The following VPS8 variants were observed in gnomAD, a reference collection of about 807,000 sequenced individuals.
The protein encoded by VPS8 is VPS8 subunit of CORVET complex.
Under a neutral mutation model 216.4 loss-of-function variants are expected in VPS8, and 129 were observed. The observed-to-expected ratio is 0.60, with a 90% CI of 0.52 to 0.69. The LOEUF (loss-of-function observed/expected upper bound fraction) is 0.69. Among genes scored for constraint, VPS8 ranks in the 30% least tolerant of loss-of-function variants. The pLI, the probability that VPS8 is intolerant of heterozygous loss-of-function variation, is 0.00. For missense variants in VPS8, 1,531 were observed against 1,683.5 expected, an observed-to-expected ratio of 0.91 and a Z score of 1.59; for synonymous variants, 571 against 565.4, an observed-to-expected ratio of 1.01 and a Z score of -0.14.
At chr3:184,987,501 T>C (rs895150671) in intron 42 of VPS8, among the ~76,000 whole-genome samples, 11 of 152,212 alleles carry the variant, frequency 7.2e-5, no homozygotes, top group Non-Finnish European at 1.3e-4. Flanking sequence ...TCTTTTCATA[T>C]TGGCTTTTTT....
At chr3:184,856,350 T>G (rs1241117098) in intron 14 of VPS8, among the ~76,000 whole-genome samples, 2 of 152,214 alleles carry the variant, frequency 1.3e-5, no homozygotes, top group Non-Finnish European at 2.9e-5. Flanking sequence ...ACAAAGTGAT[T>G]AGTATGGACT....
At chr3:184,862,717 T>C (rs1726597538) in intron 15 of VPS8, among the ~76,000 whole-genome samples, 180 bp from the exon 16 acceptor site, 1 of 152,246 alleles carries the variant, frequency 6.6e-6, no homozygotes, top group Non-Finnish European at 1.5e-5. Flanking sequence ...AGTAGTATAT[T>C]GTACCTACTG....
chr3:184,894,495 T>C (rs962822275), intron 22 of VPS8, among the ~76,000 whole-genome samples: 4 of 126,962 alleles, frequency 3.2e-5, no homozygotes, highest in African/African-American at 1.2e-4. Context: ...TATATATATG[T>C]ATATATACAC....
Position 184,824,502 on chromosome 3 carries a change from A to G in VPS8, c.-88-43A>G, listed in dbSNP as rs1718287415. The G allele has an allele frequency of 5.3e-6, 5 of 934,770 alleles. No homozygotes were observed. In the East Asian group the frequency reaches 7.9e-5, roughly 15 times the overall value. The allele number at this position is 934,770 out of a possible 1,614,324, so 57.9% of individuals were successfully genotyped here. A position where few individuals can be genotyped will look rare whatever the true frequency, so the allele number is the denominator to read the frequency against. On this transcript the variant is annotated intron_variant, in intron 1 of 47. Transcript: ENST00000625842. ...AATTGACAAGGAGGAAATCTAAATG[A>G]TAGTGTTTTGTTTTGTTTTTGTTTT...
intron 44 of VPS8, among the ~76,000 whole-genome samples, chr3:184,999,399 G>A (rs1372131194): frequency 6.6e-6 from 1 of 152,062 alleles, no homozygotes; most frequent in Non-Finnish European, 1.5e-5. Context: ...AATACTATCC[G>A]GATTTCATAG....
At chr3:184,835,588 A>G (rs77066891) in intron 5 of VPS8, among the ~76,000 whole-genome samples, 11,041 of 152,232 alleles carry the variant, frequency 0.073, 473 homozygotes, top group Non-Finnish European at 0.092. Context: ...CAGATTCTGT[A>G]TATAATGATA....
intron 47 of VPS8, among the ~76,000 whole-genome samples, chr3:185,050,217 G>A (rs781022835): frequency 6.6e-6 from 1 of 151,162 alleles, no homozygotes; most frequent in Non-Finnish European, 1.5e-5. Flanking sequence ...TTCTGTTCAA[G>A]GCATCGTACA....
rs550926677 is a variant in VPS8 at position 184,862,505 on chromosome 3, A to G, written c.1225-392A>G. On this transcript the variant is annotated intron_variant, in intron 15 of 47. Coordinates refer to ENST00000625842, the MANE Select transcript of VPS8 (RefSeq NM_001009921.3). Reference sequence around the variant, plus strand: ...CAGTGCTAACAATTGTCCTCTGACCAGCTAGGTTTATCGGCTTTACTTTGT... The same window carrying G: ...CAGTGCTAACAATTGTCCTCTGACCGGCTAGGTTTATCGGCTTTACTTTGT... Among the ~76,000 whole-genome samples the G allele has an allele frequency of 2.1e-4, 32 of 152,324 alleles. 1 individual carries two copies. The South Asian group carries it at 6.6e-3, about 32-fold the overall frequency.
At chr3:184,874,283 C>G (rs572501205) in intron 21 of VPS8, among the ~76,000 whole-genome samples, 32 of 152,226 alleles carry the variant, frequency 2.1e-4, no homozygotes, top group African/African-American at 7.7e-4. Flanking sequence ...TTTCCATTAT[C>G]TTTGTGGCTG....
At position 184,929,597 on chromosome 3, in the gene VPS8, T is replaced by C. The variant is rs961001020; in HGVS notation, c.2732T>C (p.Phe911Ser). The part of the protein sequence containing the change: ...EKAEFYQICE[F>S]MYEREHQYDK... ...CATTCTAGCTATCAAATTTGTGAAT[T>C]TATGTATGAAAGAGAACACCAATAT... Residue 911 changes from phenylalanine to serine, a missense_variant, in exon 33 of 48, where the codon TTT (phenylalanine) becomes TCT (serine). This residue lies in a region of VPS8 where 1,318 missense variants were observed against 1,468.4 expected (regional missense o/e 0.90). Coordinates refer to ENST00000625842, the MANE Select transcript of VPS8 (RefSeq NM_001009921.3). 2 of 1,528,620 alleles carry C rather than the reference T, an allele frequency of 1.3e-6. No individual in the cohort carries two copies. The highest frequency in any genetic ancestry group is 2.8e-5 in the African/African-American group (2 of 72,266). 94.7% of individuals were successfully genotyped at this position (1,528,620 alleles called of 1,614,324 possible).
intron 45 of VPS8, among the ~76,000 whole-genome samples, chr3:185,022,970 A>T (rs79075653): frequency 6.6e-6 from 1 of 152,126 alleles, no homozygotes; most frequent in Non-Finnish European, 1.5e-5. Flanking sequence ...ATATACTTCA[A>T]ATTTCTTTAA....
intron 21 of VPS8, among the ~76,000 whole-genome samples, chr3:184,871,129 T>C (rs371722551): frequency 2.0e-5 from 3 of 152,004 alleles, no homozygotes; most frequent in African/African-American, 7.2e-5. Context: ...GTTAACCAGG[T>C]TATTTAGTAC....
intron 36 of VPS8, among the ~76,000 whole-genome samples, chr3:184,944,938 A>G (rs1743408670): frequency 6.6e-6 from 1 of 152,180 alleles, no homozygotes; most frequent in South Asian, 2.1e-4. Context: ...AAGTTAAAAT[A>G]CAAAATTAGG....
chr3:184,888,270 G>A (rs572104948), intron 22 of VPS8, among the ~76,000 whole-genome samples: 1 of 152,308 alleles, frequency 6.6e-6, no homozygotes, highest in Non-Finnish European at 1.5e-5. Context: ...TTACAGGCAT[G>A]AGCCGCCGCA....
intron 42 of VPS8, among the ~76,000 whole-genome samples, chr3:184,983,646 C>T (rs1485307806): frequency 2.0e-5 from 3 of 152,084 alleles, no homozygotes; most frequent in Admixed American, 1.3e-4. Flanking sequence ...CAAAAGAGAA[C>T]ACTCAAAATA....
chr3:184,984,700 T>TA (rs1750799193), intron 42 of VPS8, among the ~76,000 whole-genome samples: 1 of 152,194 alleles, frequency 6.6e-6, no homozygotes, highest in African/African-American at 2.4e-5. Context: ...GCTCATTACT[T>TA]ATGAGGTTTC....
rs1337043760 is a variant in VPS8, at chr3:184,957,359, C to T, written c.3036-15C>T. ...TGCTACAATTGAGTGTTCTCTTTAT[C>T]TTTTATGTTTTTAGGGAAGGTATTC... On this transcript the variant is annotated splice_polypyrimidine_tract_variant and intron_variant, in intron 36 of 47. Coordinates refer to ENST00000625842, the MANE Select transcript of VPS8 (RefSeq NM_001009921.3). The T allele has an allele frequency of 8.8e-6, 14 of 1,598,618 alleles. No individual in the cohort carries two copies. The Admixed American group carries it at 2.4e-4, about 28-fold the overall frequency.
intron 23 of VPS8, among the ~76,000 whole-genome samples, chr3:184,896,626 ACT>A (rs1733537039): frequency 6.6e-6 from 1 of 151,946 alleles, no homozygotes; most frequent in Non-Finnish European, 1.5e-5. Flanking sequence ...TATTTTATTT[ACT>A]CTTTTAACAG....
Position 184,991,160 on chromosome 3 carries a change from C to G in VPS8, c.3586-2823C>G, listed in dbSNP as rs1021121200. 4.6e-5 allele frequency among the ~76,000 whole-genome samples: 7 copies of G among 151,942 alleles called. No homozygotes were observed. In the East Asian group the frequency reaches 1.3e-3, roughly 29 times the overall value. On this transcript the variant is annotated intron_variant, in intron 42 of 47. Transcript: ENST00000625842. The stretch of plus-strand genomic sequence containing the variant: ...TAATAAAGATTTTTATTTTAAACAC[C>G]CACATACATGATACAATAGGTACCA...
Sources: gnomAD v4.1 joint callset for allele counts (sites outside exome capture counted in the v4.1 genomes callset) on GRCh38, gnomAD v4.1.1 for gene constraint, gnomAD v4.1.1 regional missense constraint, MANE v1.5 for transcripts, NCBI Gene and HGNC (gene_info 2026-07-23, HGNC 2026-07-21) for gene names.